SIK2: variants seen among roughly 807,000 people sequenced by gnomAD.
SIK2 encodes the protein serine/threonine-protein kinase SIK2.
In SIK2, 29 loss-of-function variants were observed where a neutral mutation model predicts 103.2. The observed-to-expected ratio is 0.28, with a 90% CI of 0.21 to 0.38. The LOEUF is 0.38. Ranked by LOEUF, SIK2 falls within the 10% of genes least tolerant of loss-of-function variation. The probability of loss-of-function intolerance (pLI) is 1.00; values close to 1 mark genes in which losing one functional copy is unlikely to be tolerated. For synonymous variants in SIK2, 412 were observed against 446.1 expected (o/e 0.92, Z 0.96); for missense variants, 879 against 1,171.0 (o/e 0.75, Z 3.64).
chr11:111,698,209 G>A lies in SIK2; in HGVS notation c.479-2677G>A, dbSNP rs1278726740. Among the ~76,000 whole-genome samples the A allele has an allele frequency of 2.6e-5, 4 of 152,148 alleles. No individual in the cohort carries two copies. The South Asian group carries it at 8.3e-4, about 32-fold the overall frequency. ...TACCACTCCTCCTGTAAGCAAACAGGAAGCTTTCTTTGTGCTAGATTTGTA... is the reference window on the plus strand; with the variant it reads ...TACCACTCCTCCTGTAAGCAAACAGAAAGCTTTCTTTGTGCTAGATTTGTA... On this transcript the variant is annotated intron_variant, in intron 4 of 14. Coordinates refer to ENST00000304987, the MANE Select transcript of SIK2 (RefSeq NM_015191.3).
intron 3 of SIK2, among the ~76,000 whole-genome samples, chr11:111,621,654 C>T (rs1325129150): frequency 1.3e-5 from 2 of 152,138 alleles, no homozygotes; most frequent in South Asian, 2.1e-4. Context: ...TGGCTCACAC[C>T]TGTAATCCCA....
At chr11:111,622,336 A>G (rs1475783340) in intron 3 of SIK2, among the ~76,000 whole-genome samples, 2 of 135,728 alleles carry the variant, frequency 1.5e-5, no homozygotes, top group Non-Finnish European at 3.0e-5. Flanking sequence ...GCTCACTGCA[A>G]GCTCCGCCTC....
chr11:111,669,190 A>G (rs1255938197), intron 3 of SIK2, among the ~76,000 whole-genome samples: 1 of 152,212 alleles, frequency 6.6e-6, no homozygotes, highest in African/African-American at 2.4e-5. Context: ...GAATACAACT[A>G]AACTGGTTAA....
chr11:111,722,671 A>G lies in SIK2; in HGVS notation c.2062A>G (p.Ser688Gly), dbSNP rs1943838003. 7 of 1,613,866 alleles carry G rather than the reference A, an allele frequency of 4.3e-6. No individual in the cohort carries two copies. Among genetic ancestry groups the G allele is most frequent in the Non-Finnish European group, 5.9e-6 (7 of 1,179,884 alleles). The change falls in exon 14 of 15, where the codon AGC becomes GGC. Residue 688 changes from serine (S) to glycine (G), a missense_variant. Around this residue, in one of 7 missense-constraint regions of SIK2, gnomAD observed 375 missense variants for 416.3 expected, o/e 0.90. Transcript: ENST00000304987. The surrounding 1 kb of genome is among the most constrained non-coding windows in gnomAD (Gnocchi z 4.4). Reference sequence around the variant, plus strand: ...TGTTTTTCTGCTCTTCCAGAAGCCCAGCCTTCTGTCAAAGGCCCAGAACAC... The same window carrying G: ...TGTTTTTCTGCTCTTCCAGAAGCCCGGCCTTCTGTCAAAGGCCCAGAACAC... ...QYLQHRLQKP[S>G]LLSKAQNTCQ...
chr11:111,620,485 C>A, intron 3 of SIK2, 83 bp downstream of exon 3: 1 of 872,992 alleles, frequency 1.1e-6, no homozygotes, highest in Non-Finnish European at 1.8e-6. Context: ...TAATTTTCTG[C>A]TTATTTAAGT....
At chr11:111,676,463 G>T (rs1233124351) in intron 3 of SIK2, among the ~76,000 whole-genome samples, 1 of 152,186 alleles carries the variant, frequency 6.6e-6, no homozygotes, top group Non-Finnish European at 1.5e-5. Context: ...TCTGACTGTT[G>T]TGAGATGGTC....
rs748736351 is a variant in SIK2, at chr11:111,602,558, C to T, written c.-6C>T. On this transcript the variant is annotated 5_prime_UTR_variant, in exon 1 of 15. Coordinates refer to ENST00000304987, the MANE Select transcript of SIK2 (RefSeq NM_015191.3). This position sits in a 1 kb window ranked among gnomAD's most constrained non-coding sequence, Gnocchi z 4.5. ...CTGTCCGCCGTGTCTAGCAGCGGGG[C>T]CCAGCATGGTCATGGCGGATGGCCC... 3 of 1,512,670 alleles carry T rather than the reference C, an allele frequency of 2.0e-6. No homozygotes were observed. Among genetic ancestry groups the T allele is most frequent in the Non-Finnish European group, 2.7e-6 (3 of 1,131,022 alleles). 93.7% of individuals were successfully genotyped at this position (1,512,670 alleles called of 1,614,324 possible). A position where few individuals can be genotyped will look rare whatever the true frequency, so the allele number is the denominator to read the frequency against.
chr11:111,667,098 G>A (rs1591607710), intron 3 of SIK2, among the ~76,000 whole-genome samples: 1 of 151,962 alleles, frequency 6.6e-6, no homozygotes, highest in Admixed American at 6.6e-5. Context: ...CTCCCGAGTA[G>A]CTGGGATTAC....
At position 111,701,670 on chromosome 11, in the gene SIK2, G is replaced by T; in HGVS notation, c.727+95G>T. The stretch of plus-strand genomic sequence containing the variant: ...AGCTTCTTTTTTTCTAAGAGTTTGG[G>T]TGCCAAATAAAGTGACTGAGCTGTA... On this transcript the variant is annotated intron_variant, in intron 6 of 14. Coordinates refer to ENST00000304987, the MANE Select transcript of SIK2 (RefSeq NM_015191.3). This position sits in a 1 kb window ranked among gnomAD's most constrained non-coding sequence, Gnocchi z 4.2. 1 of 1,474,554 alleles carries T rather than the reference G, an allele frequency of 6.8e-7. No homozygotes were observed. Among genetic ancestry groups the T allele is most frequent in the Non-Finnish European group, 9.1e-7 (1 of 1,095,536 alleles). The allele number at this position is 1,474,554 out of a possible 1,614,324, so 91.3% of individuals were successfully genotyped here.
intron 4 of SIK2, among the ~76,000 whole-genome samples, chr11:111,694,307 T>C (rs921404096): frequency 1.3e-5 from 2 of 152,196 alleles, no homozygotes; most frequent in Non-Finnish European, 2.9e-5. Context: ...TCACATATTC[T>C]CAATTGTCTC....
chr11:111,673,801 G>A (rs1021018223), intron 3 of SIK2, among the ~76,000 whole-genome samples: 7 of 152,154 alleles, frequency 4.6e-5, no homozygotes, highest in Non-Finnish European at 8.8e-5. Context: ...GAGGCTGGGC[G>A]TGGTGGTTCA....
intron 3 of SIK2, among the ~76,000 whole-genome samples, chr11:111,675,949 T>C (rs917247518): frequency 6.6e-6 from 1 of 152,182 alleles, no homozygotes; most frequent in Admixed American, 6.5e-5. Context: ...TTGCCTTCTT[T>C]GTGTCCCTGT....
rs1180239359 is a variant in SIK2 at position 111,701,614 on chromosome 11, G to A, written c.727+39G>A. ...CATCTTATTAATGGTGTTTTACAGT[G>A]TTAGTGCTCCAAGTGAAATGCCTAG... On this transcript the variant is annotated intron_variant, in intron 6 of 14. Transcript: ENST00000304987. The surrounding 1 kb of genome is among the most constrained non-coding windows in gnomAD (Gnocchi z 4.2). 2.3e-5 allele frequency: 36 copies of A among 1,597,642 alleles called. No homozygotes were observed. The highest frequency in any genetic ancestry group is 1.5e-4 in the African/African-American group (11 of 74,362).
chr11:111,721,106 G>A (rs1003966136), intron 12 of SIK2, 44 bp downstream of exon 12: 5 of 1,571,280 alleles, frequency 3.2e-6, no homozygotes, highest in African/African-American at 1.4e-5. Context: ...GTGAGGATGA[G>A]GTGTGAGTTT....
chr11:111,647,337 C>T lies in SIK2; in HGVS notation c.316+26935C>T, dbSNP rs556809625. 5.9e-5 allele frequency among the ~76,000 whole-genome samples: 9 copies of T among 152,184 alleles called. No individual in the cohort carries two copies. In the East Asian group the frequency reaches 1.5e-3, roughly 26 times the overall value. On this transcript the variant is annotated intron_variant, in intron 3 of 14. Transcript: ENST00000304987. ...CCAAAGTTTTATTACAGATTTCCCT[C>T]CAGACATATGACAGATTAAATCATC...
At chr11:111,604,989 G>C (rs1011089791) in intron 1 of SIK2, among the ~76,000 whole-genome samples, 1 of 143,618 alleles carries the variant, frequency 7.0e-6, no homozygotes, top group South Asian at 2.2e-4. Context: ...ACGGAGCCTC[G>C]CTCTTGTTGC....
rs1176160251 is a variant in SIK2, at chr11:111,722,543, T to C, written c.2056-122T>C. On this transcript the variant is annotated intron_variant, in intron 13 of 14. Coordinates refer to ENST00000304987, the MANE Select transcript of SIK2 (RefSeq NM_015191.3). This position sits in a 1 kb window ranked among gnomAD's most constrained non-coding sequence, Gnocchi z 4.4. ...GTCTCAGGGAGTAAATGTCAGTCCC[T>C]TCACCCCGTGTGGATTCTGTAGAAT... 4.2e-6 allele frequency: 4 copies of C among 950,534 alleles called. No homozygotes were observed. Among genetic ancestry groups the C allele is most frequent in the Admixed American group, 4.3e-5 (2 of 46,112 alleles). The allele number at this position is 950,534 out of a possible 1,614,324, so 58.9% of individuals were successfully genotyped here.
At chr11:111,608,410 C>G (rs1941676449) in intron 1 of SIK2, among the ~76,000 whole-genome samples, 2 of 152,156 alleles carry the variant, frequency 1.3e-5, no homozygotes, top group African/African-American at 4.8e-5. Context: ...GTCAATGCAT[C>G]TTCATTGTAA....
At chr11:111,699,900 G>A (rs1943170590) in intron 4 of SIK2, among the ~76,000 whole-genome samples, 1 of 152,196 alleles carries the variant, frequency 6.6e-6, no homozygotes, top group Admixed American at 6.5e-5. Flanking sequence ...TCTTTCTTGA[G>A]CCATCTCTTA....
Sources: allele counts gnomAD v4.1 joint callset (sites outside exome capture counted in the v4.1 genomes callset), GRCh38; gene constraint gnomAD v4.1.1; regional missense constraint gnomAD v4.1.1; non-coding constraint Gnocchi (gnomAD v3.1); transcripts MANE v1.5; gene names NCBI Gene and HGNC (gene_info 2026-07-23, HGNC 2026-07-21).